The following TRNAU1AP variants were observed in gnomAD, a reference collection of about 807,000 sequenced individuals.
The protein encoded by TRNAU1AP is tRNA selenocysteine 1 associated protein 1.
TRNAU1AP carries 33 observed loss-of-function variants against 43.3 expected under a neutral mutation model. The ratio of observed to expected loss-of-function variants is 0.76; its 90% CI spans 0.58 to 1.02. The LOEUF (loss-of-function observed/expected upper bound fraction) is 1.02. Among genes scored for constraint, TRNAU1AP ranks in the 50% least tolerant of loss-of-function variants. TRNAU1AP has a pLI of 0.00. For synonymous variants in TRNAU1AP, 143 were observed against 129.1 expected (o/e 1.11, Z -0.73); for missense variants, 290 against 362.7 (o/e 0.80, Z 1.63).
intron 8 of TRNAU1AP, 135 bp downstream of exon 8, chr1:28,572,035 C>A: frequency 2.5e-6 from 2 of 796,642 alleles, no homozygotes; most frequent in South Asian, 1.4e-5. Flanking sequence ...GAGAGCCAGA[C>A]AAATATGTAA....
intron 2 of TRNAU1AP, among the ~76,000 whole-genome samples, chr1:28,559,672 A>AT (rs1665361946): frequency 6.6e-6 from 1 of 152,104 alleles, no homozygotes; most frequent in Non-Finnish European, 1.5e-5. Flanking sequence ...GAAAAAAAAA[A>AT]CAGATCATAC....
intron 5 of TRNAU1AP, among the ~76,000 whole-genome samples, chr1:28,566,571 T>C (rs1340129420): frequency 6.6e-6 from 1 of 151,656 alleles, no homozygotes; most frequent in African/African-American, 2.4e-5. Flanking sequence ...GCTAACACGG[T>C]GAAACCCTGT....
chr1:28,561,533 G>A (rs1665404729), intron 4 of TRNAU1AP, 135 bp downstream of exon 4: 6 of 992,198 alleles, frequency 6.0e-6, no homozygotes, highest in Non-Finnish European at 9.2e-6. Flanking sequence ...TTCCTTGCTG[G>A]TGGACCTTCC....
At chr1:28,559,510 T>G (rs1474213122) in intron 2 of TRNAU1AP, among the ~76,000 whole-genome samples, 1 of 151,812 alleles carries the variant, frequency 6.6e-6, no homozygotes, top group Non-Finnish European at 1.5e-5. Flanking sequence ...TGCCTGTAAT[T>G]CCAGCTACTT....
chr1:28,558,864 G>A (rs1483777095), intron 2 of TRNAU1AP, among the ~76,000 whole-genome samples: 5 of 151,918 alleles, frequency 3.3e-5, no homozygotes, highest in South Asian at 2.1e-4. Flanking sequence ...CGCGCCTGGC[G>A]AAACTGGACG....
At chr1:28,571,983 G>A in intron 8 of TRNAU1AP, 83 bp downstream of exon 8, 1 of 1,227,738 alleles carries the variant, frequency 8.1e-7, no homozygotes, top group East Asian at 2.3e-5. Context: ...CTAGAGGGAA[G>A]ACAAGATAAA....
At chr1:28,556,297 A>T (rs1462089803) in intron 2 of TRNAU1AP, among the ~76,000 whole-genome samples, 4 of 151,812 alleles carry the variant, frequency 2.6e-5, no homozygotes, top group African/African-American at 9.7e-5. Flanking sequence ...CCTTGTCTCT[A>T]CTAAAAAAAT....
At position 28,567,460 on chromosome 1, in the gene TRNAU1AP, C is replaced by A. The variant is rs767347301; in HGVS notation, c.530+47C>A. Reference sequence around the variant, plus strand: ...GAGAGACTCTAGACTCCCCTCCAGACACTCCTCTTTTGTTTGCTGAGAATC... The same window carrying A: ...GAGAGACTCTAGACTCCCCTCCAGAAACTCCTCTTTTGTTTGCTGAGAATC... On this transcript the variant is annotated intron_variant, in intron 6 of 8. Transcript: ENST00000373830. 5 of 1,547,326 alleles carry A rather than the reference C, an allele frequency of 3.2e-6. 1 individual carries two copies. In the South Asian group the frequency reaches 6.2e-5, roughly 19 times the overall value.
chr1:28,577,573 T>G lies in TRNAU1AP; in HGVS notation c.801T>G (p.Ala267=). The change falls in exon 9 of 9, where the codon GCT becomes GCG. Residue 267 remains alanine (A), a synonymous_variant. Coordinates refer to ENST00000373830, the MANE Select transcript of TRNAU1AP (RefSeq NM_017846.5). ...AACAGAGTGAGGAGCTGTATGACGC[T>G]CTGATGGACTGTCACTGGCAGCCCC... ...FMEQSEELYD[A]LMDCHWQPLD... 1 of 1,614,104 alleles carries G rather than the reference T, an allele frequency of 6.2e-7. No individual in the cohort carries two copies. The highest frequency in any genetic ancestry group is 8.5e-7 in the Non-Finnish European group (1 of 1,180,014).
intron 4 of TRNAU1AP, among the ~76,000 whole-genome samples, chr1:28,561,870 A>G (rs1665413485): frequency 6.6e-6 from 1 of 152,192 alleles, no homozygotes; most frequent in Admixed American, 6.6e-5. Context: ...CAGGAGATCG[A>G]GACCATCCTG....
At chr1:28,560,927 A>C (rs1308105139) in intron 3 of TRNAU1AP, 195 bp downstream of exon 3, 2 of 889,382 alleles carry the variant, frequency 2.2e-6, no homozygotes, top group African/African-American at 3.4e-5. Context: ...ACAGGTAGTA[A>C]ATGGCAGAGC....
At chr1:28,560,580 C>G in intron 2 of TRNAU1AP, 53 bp from the exon 3 acceptor site, 1 of 1,505,612 alleles carries the variant, frequency 6.6e-7, no homozygotes, top group Non-Finnish European at 9.2e-7. Context: ...CTGGCCTCAT[C>G]TTGAGCCATT....
chr1:28,562,562 T>C (rs1665434295), intron 4 of TRNAU1AP, among the ~76,000 whole-genome samples: 1 of 152,072 alleles, frequency 6.6e-6, no homozygotes, highest in Non-Finnish European at 1.5e-5. Flanking sequence ...TATAGCAATT[T>C]TATTTTTCTT....
At chr1:28,567,466 T>C in intron 6 of TRNAU1AP, 53 bp downstream of exon 6, 2 of 1,534,680 alleles carry the variant, frequency 1.3e-6, no homozygotes, top group Non-Finnish European at 1.7e-6. Flanking sequence ...CAGACACTCC[T>C]CTTTTGTTTG....
chr1:28,577,471 C>G (rs1380953226), intron 8 of TRNAU1AP, 29 bp from the exon 9 acceptor site: 1 of 1,611,654 alleles, frequency 6.2e-7, no homozygotes, highest in Non-Finnish European at 8.5e-7. Context: ...CCCTAGACTT[C>G]CCTGACCCCA....
At chr1:28,571,364 C>T (rs1665658396) in intron 7 of TRNAU1AP, 26 bp downstream of exon 7, 1 of 1,612,516 alleles carries the variant, frequency 6.2e-7, no homozygotes, top group Non-Finnish European at 8.5e-7. Flanking sequence ...CAAGACTGGT[C>T]CCCTTGGGTT....
chr1:28,573,814 G>A (rs530311969), intron 8 of TRNAU1AP, among the ~76,000 whole-genome samples: 2 of 150,778 alleles, frequency 1.3e-5, no homozygotes, highest in Non-Finnish European at 3.0e-5. Flanking sequence ...GCCCATGCCT[G>A]TAATTCCAGC....
chr1:28,569,725 G>A (rs1361040940), intron 6 of TRNAU1AP, among the ~76,000 whole-genome samples: 3 of 143,938 alleles, frequency 2.1e-5, no homozygotes, highest in East Asian at 2.0e-4. Context: ...AGTGGCTCAC[G>A]CCTGTAATCC....
rs1030893947 is a variant in TRNAU1AP at position 28,577,864 on chromosome 1, C to G, written c.*228C>G. ...CAAATTGGTTTCCTTCACAGGAATC[C>G]TTTGTCCAGGTAGTTATCCACATAG... is the stretch of plus-strand genomic sequence containing the variant. On this transcript the variant is annotated 3_prime_UTR_variant, in exon 9 of 9. Coordinates refer to ENST00000373830, the MANE Select transcript of TRNAU1AP (RefSeq NM_017846.5). 3.4e-5 allele frequency: 17 copies of G among 499,414 alleles called. No homozygotes were observed. Among genetic ancestry groups the G allele is most frequent in the Non-Finnish European group, 5.7e-5 (16 of 281,228 alleles). 30.9% of individuals were successfully genotyped at this position (499,414 alleles called of 1,614,324 possible). A position where few individuals can be genotyped will look rare whatever the true frequency, so the allele number is the denominator to read the frequency against.
Sources: allele counts gnomAD v4.1 joint callset (sites outside exome capture counted in the v4.1 genomes callset), GRCh38; gene constraint gnomAD v4.1.1; transcripts MANE v1.5; gene names NCBI Gene and HGNC (gene_info 2026-07-23, HGNC 2026-07-21).